ATP10A: variants seen among roughly 807,000 people sequenced by gnomAD.
ATP10A encodes phospholipid-transporting ATPase VA.
In ATP10A, 111 loss-of-function variants were observed where a neutral mutation model predicts 147.8. The observed-to-expected ratio is 0.75, with a 90% CI of 0.64 to 0.88. The LOEUF (loss-of-function observed/expected upper bound fraction) is 0.88, where lower values mean the gene tolerates loss of function less well. Among genes scored for constraint, ATP10A ranks in the 40% least tolerant of loss-of-function variants. The probability of loss-of-function intolerance (pLI) is 0.00; values close to 1 mark genes in which losing one functional copy is unlikely to be tolerated. For synonymous variants in ATP10A, 875 were observed against 841.6 expected, an observed-to-expected ratio of 1.04 and a Z score of -0.69; for missense variants, 1,927 against 1,959.0, an observed-to-expected ratio of 0.98 and a Z score of 0.31.
Position 25,694,898 on chromosome 15 carries a change from G to A in ATP10A, c.3009C>T (p.Cys1003=). ...TCTTCTGCAGAGGCGTCGACCGACA[G>A]CAGAGGACGGAGCGGCACTGCTTGG... is the stretch of plus-strand genomic sequence containing the variant. ...FLAKQCRSVL[C]CRSTPLQKSM... The change falls in exon 14 of 21, where the codon TGC becomes TGT. Residue 1003 remains cysteine (C), a synonymous_variant. Transcript: ENST00000555815. 1 of 1,614,204 alleles carries A rather than the reference G, an allele frequency of 6.2e-7. No homozygotes were observed.
At chr15:25,864,061 C>A (rs1349585624), upstream of ATP10A, among the ~76,000 whole-genome samples, 10 of 150,958 alleles carry the variant, frequency 6.6e-5, no homozygotes, top group Admixed American at 6.6e-4. Context: ...CCGAAACGCT[C>A]CTTGTGCGCT....
chr15:25,770,312 T>C (rs1445611321), intron 2 of ATP10A, among the ~76,000 whole-genome samples: 1 of 152,118 alleles, frequency 6.6e-6, no homozygotes, highest in Admixed American at 6.5e-5. Context: ...ACAGCAATGG[T>C]GACGCTGCTC....
At chr15:25,757,620 A>G (rs1239275238) in intron 2 of ATP10A, among the ~76,000 whole-genome samples, 1 of 152,218 alleles carries the variant, frequency 6.6e-6, no homozygotes, top group Non-Finnish European at 1.5e-5. Flanking sequence ...AGGTGTAAGT[A>G]TGAGGATTTG....
intron 1 of ATP10A, among the ~76,000 whole-genome samples, chr15:25,858,153 G>T (rs558764579): frequency 6.6e-6 from 1 of 152,114 alleles, no homozygotes; most frequent in Admixed American, 6.5e-5. Context: ...ATAATATTCC[G>T]CAAGCGTCCA....
chr15:25,725,950 C>T lies in ATP10A; in HGVS notation c.979+1G>A. On this transcript the variant is annotated splice_donor_variant, in intron 5 of 20. Coordinates refer to ENST00000555815, the MANE Select transcript of ATP10A (RefSeq NM_024490.4). LOFTEE classifies it high-confidence loss of function. ...ATTTCCGATCCATCTAGGAGACTTA[C>T]CGACTGCTGAAAACAGAGACATGCA... The T allele has an allele frequency of 6.2e-7, 1 of 1,612,544 alleles. No individual in the cohort carries two copies. Among genetic ancestry groups the T allele is most frequent in the Non-Finnish European group, 8.5e-7 (1 of 1,178,976 alleles).
In ATP10A at chr15:25,718,216, A is replaced by T. The variant is rs777679730; in HGVS notation, c.1547T>A (p.Met516Lys). The T allele has an allele frequency of 6.2e-7, 1 of 1,613,122 alleles. No homozygotes were observed. Among genetic ancestry groups the T allele is most frequent in the South Asian group, 1.1e-5 (1 of 91,050 alleles). ...GSRAEAKRAS[M>K]LSKHTAFSSP... ...GCTGAAGGCCGTGTGCTTGGACAGC[A>T]TGCTGGCCCTCTTGGCCTCGGCCCG... Residue 516 changes from methionine (M) to lysine (K), a missense_variant, in exon 8 of 21, where the codon ATG (methionine) becomes AAG (lysine). Met to Lys is a moderately conservative substitution (Grantham distance 95). Coordinates refer to ENST00000555815, the MANE Select transcript of ATP10A (RefSeq NM_024490.4).
chr15:25,762,610 C>T (rs1481997081), intron 2 of ATP10A, among the ~76,000 whole-genome samples: 1 of 151,762 alleles, frequency 6.6e-6, no homozygotes, highest in African/African-American at 2.4e-5. Flanking sequence ...GAGACAGGGT[C>T]TCACTCTATT....
Position 25,716,888 on chromosome 15 carries a change from T to C in ATP10A, c.1618A>G (p.Lys540Glu), listed in dbSNP as rs1167852997. ...DITPDPKLLE[K>E]VSECDKSLAV... is the part of the protein sequence containing the mutation. Reference sequence around the variant, plus strand: ...AGGCTCTTGTCACACTCACTCACCTTCTCCAGCAGCTTTGGGTCGGGCGTG... The same window carrying C: ...AGGCTCTTGTCACACTCACTCACCTCCTCCAGCAGCTTTGGGTCGGGCGTG... The change falls in exon 9 of 21, where the codon AAG (lysine) becomes GAG (glutamate). Residue 540 changes from lysine to glutamate, a missense_variant. Coordinates refer to ENST00000555815, the MANE Select transcript of ATP10A (RefSeq NM_024490.4). 6.3e-7 allele frequency: 1 copy of C among 1,599,560 alleles called. No homozygotes were observed. The highest frequency in any genetic ancestry group is 1.3e-5 in the African/African-American group (1 of 74,424).
rs111748327 is a variant in ATP10A, at chr15:25,790,162, A to G, written c.450-8939T>C. ...GAAACATCTGCTCCTTCAGTGAGAC[A>G]TGCTAATGGATTCTGAATCTAATAC... On this transcript the variant is annotated intron_variant, in intron 1 of 20. Coordinates refer to ENST00000555815, the MANE Select transcript of ATP10A (RefSeq NM_024490.4). Among the ~76,000 whole-genome samples, 1,162 of 152,308 alleles carry G rather than the reference A, an allele frequency of 7.6e-3. 18 individuals are homozygous for G. Among genetic ancestry groups the G allele is most frequent in the East Asian group, 0.03 (153 of 5,176 alleles).
At chr15:25,764,480 C>T (rs1190488978) in intron 2 of ATP10A, among the ~76,000 whole-genome samples, 1 of 152,104 alleles carries the variant, frequency 6.6e-6, no homozygotes, top group African/African-American at 2.4e-5. Context: ...GGGATTAGTG[C>T]CCTTCTAAGA....
At position 25,714,169 on chromosome 15, in the gene ATP10A, A is replaced by C; in HGVS notation, c.1849T>G (p.Cys617Gly). The change falls in exon 10 of 21, where the codon TGC becomes GGC. Residue 617 changes from cysteine (C) to glycine (G), a missense_variant. By Grantham distance (159) the Cys-to-Gly change is radical. Coordinates refer to ENST00000555815, the MANE Select transcript of ATP10A (RefSeq NM_024490.4). Reference sequence around the variant, plus strand: ...ATGCTGCTGCAGCCTGAGGTCAGGCAGCTGGGTGTGAACCTCCGCAGGAAG... The same window carrying C: ...ATGCTGCTGCAGCCTGAGGTCAGGCCGCTGGGTGTGAACCTCCGCAGGAAG... Reference protein sequence around the residue: ...EDFLRRFTPSCLTSGCSSIGS... With the variant: ...EDFLRRFTPSGLTSGCSSIGS... 1 of 1,609,334 alleles carries C rather than the reference A, an allele frequency of 6.2e-7. No homozygotes were observed.
chr15:25,816,695 T>C (rs1032050369), intron 1 of ATP10A, among the ~76,000 whole-genome samples: 7 of 152,234 alleles, frequency 4.6e-5, no homozygotes, highest in African/African-American at 1.7e-4. Flanking sequence ...GACGGTATGA[T>C]ATTGTAAAGA....
At chr15:25,830,397 C>A (rs1892306450) in intron 1 of ATP10A, among the ~76,000 whole-genome samples, 1 of 152,188 alleles carries the variant, frequency 6.6e-6, no homozygotes, top group Admixed American at 6.5e-5. Context: ...CACAGTTCTG[C>A]TAGAGGGAGT....
At position 25,679,404 on chromosome 15, in the gene ATP10A, T is replaced by C; in HGVS notation, c.4437A>G (p.Arg1479=). 2 of 1,612,184 alleles carry C rather than the reference T, an allele frequency of 1.2e-6. No homozygotes were observed. The highest frequency in any genetic ancestry group is 8.5e-7 in the Non-Finnish European group (1 of 1,178,366). ...RGLPVQPHSG[R]SGLQGPDHRL... is the part of the protein sequence containing the mutation. ...TGTGGTCTGGCCCTTGAAGTCCTGATCGGCCTGAGTGGGGCTGGACAGGAA... is the reference window on the plus strand; with the variant it reads ...TGTGGTCTGGCCCTTGAAGTCCTGACCGGCCTGAGTGGGGCTGGACAGGAA... Residue 1479 remains arginine, a synonymous_variant, in exon 21 of 21, where the codon CGA becomes CGG. Coordinates refer to ENST00000555815, the MANE Select transcript of ATP10A (RefSeq NM_024490.4).
At chr15:25,673,255 C>T (rs545028879), downstream of ATP10A, among the ~76,000 whole-genome samples, 1 of 152,292 alleles carries the variant, frequency 6.6e-6, no homozygotes, top group African/African-American at 2.4e-5. Context: ...TCCCCCTATG[C>T]GCTGGGCAGG....
chr15:25,727,005 C>T (rs1451509372), intron 4 of ATP10A, among the ~76,000 whole-genome samples, 155 bp downstream of exon 4: 3 of 146,218 alleles, frequency 2.1e-5, no homozygotes, highest in South Asian at 2.2e-4. Flanking sequence ...TGCAGTGAGC[C>T]GAGATCGCGC....
intron 1 of ATP10A, among the ~76,000 whole-genome samples, chr15:25,818,327 A>T (rs895319162): frequency 6.6e-6 from 1 of 152,190 alleles, no homozygotes; most frequent in Admixed American, 6.5e-5. Context: ...ATCTAGAATA[A>T]GTTTTTAATA....
At chr15:25,813,496 G>GA (rs1000711653) in intron 1 of ATP10A, among the ~76,000 whole-genome samples, 14 of 152,094 alleles carry the variant, frequency 9.2e-5, no homozygotes, top group Admixed American at 3.3e-4. Flanking sequence ...GATTTCCAGT[G>GA]AAAAAAAGCA....
At chr15:25,823,666 T>C (rs1891986221) in intron 1 of ATP10A, among the ~76,000 whole-genome samples, 1 of 152,244 alleles carries the variant, frequency 6.6e-6, no homozygotes, top group Admixed American at 6.5e-5. Flanking sequence ...TCAACTATTG[T>C]TGATCTTTAA....
Sources: gnomAD v4.1 joint callset for allele counts (sites outside exome capture counted in the v4.1 genomes callset) on GRCh38, gnomAD v4.1.1 for gene constraint, MANE v1.5 for transcripts, NCBI Gene and HGNC (gene_info 2026-07-23, HGNC 2026-07-21) for gene names.